Variants in SNAPC1 observed in about 807,000 individuals in gnomAD.
SNAPC1 encodes snRNA-activating protein complex subunit 1.
SNAPC1 carries 42 observed loss-of-function variants against 50.1 expected under a neutral mutation model. That is an observed-to-expected ratio of 0.84 (90% CI 0.65 to 1.08). The LOEUF is 1.08. Among genes scored for constraint, SNAPC1 ranks in the 50% least tolerant of loss-of-function variants. SNAPC1 has a pLI of 0.00. For missense variants in SNAPC1, 477 were observed against 427.3 expected, an observed-to-expected ratio of 1.12 and a Z score of -1.02; for synonymous variants, 164 against 144.2, an observed-to-expected ratio of 1.14 and a Z score of -0.98.
chr14:61,772,680 ATGGTTGTCCGGTT>A (rs1219343812), intron 4 of SNAPC1, among the ~76,000 whole-genome samples: 4 of 152,204 alleles, frequency 2.6e-5, no homozygotes, highest in East Asian at 3.8e-4. Context: ...ATGAGCCACC[ATGGTTGTCCGGTT>A]TTAATTTTTC....
intron 1 of SNAPC1, 46 bp from the exon 2 acceptor site, chr14:61,766,830 C>G (rs1381278355): frequency 7.9e-7 from 1 of 1,264,140 alleles, no homozygotes. Context: ...TTGTTCATTA[C>G]TTATTCACTT....
intron 9 of SNAPC1, 30 bp from the exon 10 acceptor site, chr14:61,794,919 C>A (rs1426347699): frequency 6.0e-6 from 9 of 1,495,274 alleles, no homozygotes; most frequent in Admixed American, 3.6e-5. Context: ...GTTTTTAGAT[C>A]TGACTGACTT....
chr14:61,794,992 CCT>C lies in SNAPC1; in HGVS notation c.*10_*11del. On this transcript the variant is annotated 3_prime_UTR_variant, in exon 10 of 10. Coordinates refer to ENST00000216294, the MANE Select transcript of SNAPC1 (RefSeq NM_003082.4). ...AGAGGAGAAAACACTGAACAAAGAG[CCT>C]GGTGTAGTTTTTAATTTTGAGTTTT... 6.4e-7 allele frequency: 1 copy of C among 1,554,698 alleles called. No homozygotes were observed. The highest frequency in any genetic ancestry group is 8.7e-7 in the Non-Finnish European group (1 of 1,151,006).
chr14:61,793,500 T>A lies in SNAPC1; in HGVS notation c.1072+598T>A, dbSNP rs559086059. On this transcript the variant is annotated intron_variant, in intron 9 of 9. Coordinates refer to ENST00000216294, the MANE Select transcript of SNAPC1 (RefSeq NM_003082.4). ...TCAAGTGATCCACTTGCCTCAGCCT[T>A]CCAAAGTACTGGGATTACAGGCATG... 5.9e-5 allele frequency among the ~76,000 whole-genome samples: 9 copies of A among 152,040 alleles called. No individual in the cohort carries two copies. In the East Asian group the frequency reaches 1.7e-3, roughly 29 times the overall value.
Position 61,762,882 on chromosome 14 carries a change from TTCCC to T in SNAPC1, c.128+295_128+298del, listed in dbSNP as rs2140172020. Among the ~76,000 whole-genome samples, 3 of 151,680 alleles carry T rather than the reference TTCCC, an allele frequency of 2.0e-5. No homozygotes were observed. In the South Asian group the frequency reaches 6.3e-4, roughly 32 times the overall value. Reference sequence around the variant, plus strand: ...TGAGCCAGGCCACTATCATTTGCCCTTCCCCAGTCTTGTTCTAGGACCTGATGTT... The same window carrying T: ...TGAGCCAGGCCACTATCATTTGCCCTCAGTCTTGTTCTAGGACCTGATGTT... On this transcript the variant is annotated intron_variant, in intron 1 of 9. Transcript: ENST00000216294.
intron 1 of SNAPC1, among the ~76,000 whole-genome samples, chr14:61,763,486 C>CTTT (rs71117854): frequency 0.016 from 1,608 of 97,650 alleles, 25 homozygotes; most frequent in Middle Eastern, 0.02. Flanking sequence ...CCAGCAGCTG[C>CTTT]TTTTTTTTTT....
At chr14:61,783,548 T>C (rs2045093315) in intron 8 of SNAPC1, among the ~76,000 whole-genome samples, 1 of 145,490 alleles carries the variant, frequency 6.9e-6, no homozygotes, top group African/African-American at 2.6e-5. Flanking sequence ...TTTTTTTTTT[T>C]TTCTTGAGAC....
At chr14:61,793,290 G>A (rs922727958) in intron 9 of SNAPC1, among the ~76,000 whole-genome samples, 6 of 150,606 alleles carry the variant, frequency 4.0e-5, no homozygotes, top group East Asian at 4.0e-4. Context: ...GCTGGAGTGC[G>A]GTGACTTGAT....
intron 8 of SNAPC1, among the ~76,000 whole-genome samples, chr14:61,782,772 A>C (rs1347931034): frequency 1.3e-5 from 2 of 151,908 alleles, no homozygotes; most frequent in Non-Finnish European, 2.9e-5. Flanking sequence ...CGGGCATGGT[A>C]GCGCATGCCT....
At chr14:61,785,291 A>G (rs2045107126) in intron 8 of SNAPC1, among the ~76,000 whole-genome samples, 1 of 152,158 alleles carries the variant, frequency 6.6e-6, no homozygotes. Context: ...AATCCCAGCT[A>G]CTTGGGAGAC....
Position 61,794,973 on chromosome 14 carries a change from GA to G in SNAPC1, c.1101del (p.Lys367AsnfsTer11). On this transcript the variant is annotated frameshift_variant, in exon 10 of 10. Transcript: ENST00000216294. LOFTEE classifies it high-confidence loss of function. Reference sequence around the variant, plus strand: ...GAGTTCACTGCATCCAAGAAGAGGAGAAAACACTGAACAAAGAGCCTGGTGT... The same window carrying G: ...GAGTTCACTGCATCCAAGAAGAGGAGAAACACTGAACAAAGAGCCTGGTGT... ...GTEFTASKKR[R>X]KH is the part of the protein sequence containing the mutation. The G allele has an allele frequency of 6.3e-7, 1 of 1,578,988 alleles. No individual in the cohort carries two copies. Among genetic ancestry groups the G allele is most frequent in the Non-Finnish European group, 8.6e-7 (1 of 1,165,044 alleles).
At chr14:61,766,466 A>T (rs2044949365) in intron 1 of SNAPC1, among the ~76,000 whole-genome samples, 1 of 152,258 alleles carries the variant, frequency 6.6e-6, no homozygotes, top group Non-Finnish European at 1.5e-5. Flanking sequence ...AAGTAAAAAA[A>T]TGGCCTTGCT....
chr14:61,768,043 G>A (rs1029828306), intron 3 of SNAPC1, among the ~76,000 whole-genome samples: 1 of 152,134 alleles, frequency 6.6e-6, no homozygotes. Flanking sequence ...GCCTCCCAAA[G>A]TGCTGCTCAC....
At chr14:61,762,973 A>AC (rs1360409606) in intron 1 of SNAPC1, among the ~76,000 whole-genome samples, 1 of 138,206 alleles carries the variant, frequency 7.2e-6, no homozygotes, top group East Asian at 2.2e-4. Context: ...TCCAACAACC[A>AC]AAGTTGTCTT....
intron 1 of SNAPC1, among the ~76,000 whole-genome samples, chr14:61,765,878 C>A (rs999721421): frequency 6.6e-5 from 10 of 152,148 alleles, no homozygotes; most frequent in African/African-American, 1.9e-4. Context: ...TTGCAGTGCT[C>A]TGGACAATTA....
In SNAPC1 at chr14:61,768,804, G is replaced by A; in HGVS notation, c.534+64G>A. The A allele has an allele frequency of 4.9e-5, 39 of 788,246 alleles. No individual in the cohort carries two copies. The South Asian group carries it at 5.1e-4, about 10-fold the overall frequency. 48.8% of individuals were successfully genotyped at this position (788,246 alleles called of 1,614,324 possible). A position where few individuals can be genotyped will look rare whatever the true frequency, so the allele number is the denominator to read the frequency against. On this transcript the variant is annotated intron_variant, in intron 4 of 9. Transcript: ENST00000216294. ...TGTTTTATTGCCAACTACATATTGAGGTTATACCTTCATCTACTGGATACT... is the reference window on the plus strand; with the variant it reads ...TGTTTTATTGCCAACTACATATTGAAGTTATACCTTCATCTACTGGATACT...
chr14:61,777,397 C>T (rs1169204826), intron 5 of SNAPC1, among the ~76,000 whole-genome samples: 3 of 152,018 alleles, frequency 2.0e-5, no homozygotes, highest in Non-Finnish European at 4.4e-5. Context: ...TGTATATAGA[C>T]AGGGTCTTCT....
At chr14:61,788,971 G>A (rs527421437) in intron 8 of SNAPC1, among the ~76,000 whole-genome samples, 1 of 152,194 alleles carries the variant, frequency 6.6e-6, no homozygotes, top group African/African-American at 2.4e-5. Flanking sequence ...GGTGGCTGAC[G>A]CCTGTAGTCC....
At chr14:61,770,636 G>A (rs915065454) in intron 4 of SNAPC1, among the ~76,000 whole-genome samples, 14 of 152,080 alleles carry the variant, frequency 9.2e-5, no homozygotes, top group African/African-American at 3.4e-4. Flanking sequence ...GTTCTGTAAA[G>A]TAACTTTATT....
Sources: allele counts gnomAD v4.1 joint callset (sites outside exome capture counted in the v4.1 genomes callset), GRCh38; gene constraint gnomAD v4.1.1; transcripts MANE v1.5; gene names NCBI Gene and HGNC (gene_info 2026-07-23, HGNC 2026-07-21).